AQP1: variants seen among roughly 807,000 people sequenced by gnomAD.
The protein encoded by AQP1 is aquaporin-1.
AQP1 carries 11 observed loss-of-function variants against 19.7 expected under a neutral mutation model. The observed-to-expected ratio is 0.56, with a 90% CI of 0.35 to 0.92. The LOEUF (loss-of-function observed/expected upper bound fraction) is 0.92, where lower values mean the gene tolerates loss of function less well. Among genes scored for constraint, AQP1 ranks in the 40% least tolerant of loss-of-function variants. The pLI, the probability that AQP1 is intolerant of heterozygous loss-of-function variation, is 0.01. For missense variants in AQP1, 320 were observed against 369.7 expected, an observed-to-expected ratio of 0.87 and a Z score of 1.10; for synonymous variants, 159 against 166.7, an observed-to-expected ratio of 0.95 and a Z score of 0.36.
rs1198153592 is a variant in AQP1 at position 30,912,156 on chromosome 7, C to A, written c.247C>A (p.Leu83Met). The A allele has an allele frequency of 6.2e-7, 1 of 1,613,034 alleles. No homozygotes were observed. Among genetic ancestry groups the A allele is most frequent in the Non-Finnish European group, 8.5e-7 (1 of 1,180,040 alleles). ...AHLNPAVTLG[L>M]LLSCQISIFR... ...CCTCAACCCGGCTGTCACACTGGGG[C>A]TGCTGCTCAGCTGCCAGATCAGCAT... is the stretch of plus-strand genomic sequence containing the variant. Residue 83 changes from leucine (L) to methionine (M), a missense_variant, in exon 1 of 4, where the codon CTG (leucine) becomes ATG (methionine). Transcript: ENST00000311813. This position sits in a 1 kb window ranked among gnomAD's most constrained non-coding sequence, Gnocchi z 4.3.
At chr7:30,918,530 G>A (rs1185632228) in intron 1 of AQP1, among the ~76,000 whole-genome samples, 2 of 152,208 alleles carry the variant, frequency 1.3e-5, no homozygotes, top group African/African-American at 2.4e-5. Flanking sequence ...GCCCAGTGCT[G>A]AGTCTTGGAG....
intron 1 of AQP1, among the ~76,000 whole-genome samples, chr7:30,918,087 C>T (rs28362721): frequency 0.15 from 22,036 of 151,694 alleles, 1,734 homozygotes; most frequent in Middle Eastern, 0.23. Context: ...TTCTGCCTCC[C>T]GGGTTTATGC....
Position 30,923,639 on chromosome 7 carries a change from G to A in AQP1, c.*10G>A. On this transcript the variant is annotated 3_prime_UTR_variant, in exon 4 of 4. Coordinates refer to ENST00000311813, the MANE Select transcript of AQP1 (RefSeq NM_198098.4). This position sits in a 1 kb window ranked among gnomAD's most constrained non-coding sequence, Gnocchi z 4.8. ...GATGAAGCCCAAATAGAAGGGGTCT[G>A]GCCCGGGCATCCACGTAGGGGGCAG... 2 of 1,608,454 alleles carry A rather than the reference G, an allele frequency of 1.2e-6. No homozygotes were observed. Among genetic ancestry groups the A allele is most frequent in the East Asian group, 2.2e-5 (1 of 44,626 alleles).
rs555067906 is a variant in AQP1, at chr7:30,920,447, G to A, written c.385-1619G>A. On this transcript the variant is annotated intron_variant, in intron 1 of 3. Coordinates refer to ENST00000311813, the MANE Select transcript of AQP1 (RefSeq NM_198098.4). ...GCTTCTGCCAGCAGCTCCACCCGCC[G>A]TCACTCCTTCTGCCTGTCCCCAGAT... Among the ~76,000 whole-genome samples, 5 of 152,252 alleles carry A rather than the reference G, an allele frequency of 3.3e-5. No individual in the cohort carries two copies. In the South Asian group the frequency reaches 1.0e-3, roughly 32 times the overall value.
At position 30,923,738 on chromosome 7, in the gene AQP1, C is replaced by G; in HGVS notation, c.*109C>G. ...CACTCTGACAAGCTGGCCAAAGTCA[C>G]TTCCCCAAGATCTGCCAGACCTGCA... On this transcript the variant is annotated 3_prime_UTR_variant, in exon 4 of 4. Transcript: ENST00000311813. This position sits in a 1 kb window ranked among gnomAD's most constrained non-coding sequence, Gnocchi z 4.8. The G allele has an allele frequency of 6.7e-7, 1 of 1,502,814 alleles. No individual in the cohort carries two copies. Among genetic ancestry groups the G allele is most frequent in the Non-Finnish European group, 8.9e-7 (1 of 1,121,850 alleles). 93.1% of individuals were successfully genotyped at this position (1,502,814 alleles called of 1,614,324 possible).
intron 1 of AQP1, among the ~76,000 whole-genome samples, chr7:30,915,517 G>T (rs1791321070): frequency 6.6e-6 from 1 of 152,156 alleles, no homozygotes. Context: ...CGTGGTACGG[G>T]AGTTGTTGGG....
chr7:30,918,078 T>G (rs1190980328), intron 1 of AQP1, among the ~76,000 whole-genome samples: 1 of 151,980 alleles, frequency 6.6e-6, no homozygotes, highest in African/African-American at 2.4e-5. Flanking sequence ...CACTGCAAGT[T>G]CTGCCTCCCG....
In AQP1 at chr7:30,923,474, G is replaced by C. The variant is rs752063738; in HGVS notation, c.655G>C (p.Gly219Arg). The change falls in exon 4 of 4, where the codon GGG (glycine) becomes CGG (arginine). Residue 219 changes from glycine (G) to arginine (R), a missense_variant. Physicochemically the swap from Gly to Arg is moderately radical, Grantham distance 125 (BLOSUM62 -2). Coordinates refer to ENST00000311813, the MANE Select transcript of AQP1 (RefSeq NM_198098.4). This position sits in a 1 kb window ranked among gnomAD's most constrained non-coding sequence, Gnocchi z 4.8. Reference protein sequence around the residue: ...HWIFWVGPFIGGALAVLIYDF... With the variant: ...HWIFWVGPFIRGALAVLIYDF... ...GATTTTCTGGGTGGGGCCATTCATC[G>C]GGGGAGCCCTGGCTGTACTCATCTA... The C allele has an allele frequency of 1.2e-6, 2 of 1,613,822 alleles. No homozygotes were observed. The highest frequency in any genetic ancestry group is 2.2e-5 in the East Asian group (1 of 44,888).
intron 1 of AQP1, among the ~76,000 whole-genome samples, chr7:30,914,244 C>T (rs1050483016): frequency 4.6e-5 from 7 of 152,120 alleles, no homozygotes; most frequent in South Asian, 2.1e-4. Flanking sequence ...GTGTGGGGTC[C>T]GGCCCTGGGC....
chr7:30,917,865 G>T (rs185759797), intron 1 of AQP1, among the ~76,000 whole-genome samples: 4 of 152,216 alleles, frequency 2.6e-5, no homozygotes, highest in Non-Finnish European at 4.4e-5. Flanking sequence ...ATAGAAGATT[G>T]TTAACATTTT....
chr7:30,923,933 GGT>G lies in AQP1; in HGVS notation c.*308_*309del, dbSNP rs768998443. On this transcript the variant is annotated 3_prime_UTR_variant, in exon 4 of 4. Transcript: ENST00000311813. The surrounding 1 kb of genome is among the most constrained non-coding windows in gnomAD (Gnocchi z 4.8). ...AGTCGCCCCTCAGAGCATGATGGGA[GGT>G]GTGCCAGAAAGTCCCCCCTCGCCCC... is the stretch of plus-strand genomic sequence containing the variant. The G allele has an allele frequency of 2.1e-6, 3 of 1,435,600 alleles. No individual in the cohort carries two copies. The South Asian group carries it at 3.4e-5, about 16-fold the overall frequency. 88.9% of individuals were successfully genotyped at this position (1,435,600 alleles called of 1,614,324 possible).
rs745651824 is a variant in AQP1 at position 30,922,615 on chromosome 7, G to A, written c.601G>A (p.Val201Met). Residue 201 changes from valine to methionine, a missense_variant, in exon 3 of 4, where the codon GTG becomes ATG. Val to Met is a conservative substitution (Grantham distance 21). Transcript: ENST00000311813. Reference sequence around the variant, plus strand: ...CCCTGCTCGGTCCTTTGGCTCCGCGGTGATCACACACAACTTCAGCAACCA... The same window carrying A: ...CCCTGCTCGGTCCTTTGGCTCCGCGATGATCACACACAACTTCAGCAACCA... ...INPARSFGSA[V>M]ITHNFSNHWI... is the part of the protein sequence containing the mutation. The A allele has an allele frequency of 6.2e-7, 1 of 1,614,130 alleles. No homozygotes were observed.
At chr7:30,915,848 G>T (rs976349786) in intron 1 of AQP1, among the ~76,000 whole-genome samples, 2 of 152,178 alleles carry the variant, frequency 1.3e-5, no homozygotes, top group Non-Finnish European at 2.9e-5. Context: ...TTCTCCCGGG[G>T]GTGCTGCTGC....
chr7:30,916,272 C>T (rs1029781284), intron 1 of AQP1, among the ~76,000 whole-genome samples: 1 of 152,248 alleles, frequency 6.6e-6, no homozygotes, highest in African/African-American at 2.4e-5. Flanking sequence ...CACACCTTGC[C>T]TTCCCTTCTC....
chr7:30,921,574 C>A (rs1357436749), intron 1 of AQP1: 1 of 1,548,156 alleles, frequency 6.5e-7, no homozygotes, highest in East Asian at 2.4e-5. Flanking sequence ...CCTCCTCAGC[C>A]CTGGAATTTA....
chr7:30,918,435 C>T (rs1288484806), intron 1 of AQP1, among the ~76,000 whole-genome samples: 2 of 152,224 alleles, frequency 1.3e-5, no homozygotes, highest in Non-Finnish European at 2.9e-5. Flanking sequence ...CACACAGAGG[C>T]ACACAAAACC....
chr7:30,922,963 T>G (rs751798273), intron 3 of AQP1, among the ~76,000 whole-genome samples: 2 of 152,232 alleles, frequency 1.3e-5, no homozygotes, highest in Non-Finnish European at 2.9e-5. Flanking sequence ...GCAGTGTGCT[T>G]GAGCTTTGGT....
Position 30,923,657 on chromosome 7 carries a change from GGGGGCA to G in AQP1, c.*40_*45del, listed in dbSNP as rs1221819681. On this transcript the variant is annotated 3_prime_UTR_variant, in exon 4 of 4. Coordinates refer to ENST00000311813, the MANE Select transcript of AQP1 (RefSeq NM_198098.4). This position sits in a 1 kb window ranked among gnomAD's most constrained non-coding sequence, Gnocchi z 4.8. The stretch of plus-strand genomic sequence containing the variant: ...GGGGTCTGGCCCGGGCATCCACGTA[GGGGGCA>G]GGGGCAGGGGCGGGCGGAGGGAGGG... The G allele has an allele frequency of 1.3e-6, 2 of 1,572,632 alleles. 1 individual carries two copies. The highest frequency in any genetic ancestry group is 5.2e-5 in the East Asian group (2 of 38,790).
At chr7:30,915,253 G>C (rs1236992185) in intron 1 of AQP1, among the ~76,000 whole-genome samples, 1 of 151,942 alleles carries the variant, frequency 6.6e-6, no homozygotes, top group Non-Finnish European at 1.5e-5. Context: ...GGCTGGGTTA[G>C]CCCGGCTCCC....
Sources: gnomAD v4.1 joint callset for allele counts (sites outside exome capture counted in the v4.1 genomes callset) on GRCh38, gnomAD v4.1.1 for gene constraint, Gnocchi (gnomAD v3.1) non-coding constraint, MANE v1.5 for transcripts, NCBI Gene and HGNC (gene_info 2026-07-23, HGNC 2026-07-21) for gene names.